The following FPGT variants were observed in gnomAD, a reference collection of about 807,000 sequenced individuals.
FPGT encodes the protein GDP-L-fucose diphosphorylase.
In FPGT, 41 loss-of-function variants were observed where a neutral mutation model predicts 45.8. The ratio of observed to expected loss-of-function variants is 0.90; its 90% CI spans 0.70 to 1.16. The LOEUF (loss-of-function observed/expected upper bound fraction) is 1.16. Among genes scored for constraint, FPGT ranks in the 50% most tolerant of loss-of-function variants. The pLI is 0.00. For synonymous variants in FPGT, 292 were observed against 247.2 expected (o/e 1.18, Z -1.70); for missense variants, 755 against 689.1 (o/e 1.10, Z -1.07).
Position 74,208,322 on chromosome 1 carries a change from T to G in FPGT, c.*2490T>G, listed in dbSNP as rs538722098. Reference sequence around the variant, plus strand: ...GGAGAAGTGTGTTTTTGATAAGAAGTGACTAAATTTTGTGACAATCTTAAT... The same window carrying G: ...GGAGAAGTGTGTTTTTGATAAGAAGGGACTAAATTTTGTGACAATCTTAAT... On this transcript the variant is annotated 3_prime_UTR_variant, in exon 4 of 4. Transcript: ENST00000370898. Among the ~76,000 whole-genome samples, 7 of 152,174 alleles carry G rather than the reference T, an allele frequency of 4.6e-5. No individual in the cohort carries two copies. The highest frequency in any genetic ancestry group is 1.7e-4 in the African/African-American group (7 of 41,534).
Position 74,198,307 on chromosome 1 carries a change from T to G in FPGT, c.29T>G (p.Val10Gly), listed in dbSNP as rs1043601904. ...GCAGCTGCTAGGGACCCTCCGGAAG[T>G]ATCGCTGCGAGAAGCCACCCAGCGA... MAAARDPPE[V>G]SLREATQRKL... The change falls in exon 1 of 4, where the codon GTA becomes GGA. Residue 10 changes from valine (V) to glycine (G), a missense_variant. Physicochemically the swap from Val to Gly is moderately radical, Grantham distance 109 (BLOSUM62 -3). Transcript: ENST00000370898. The G allele has an allele frequency of 6.2e-7, 1 of 1,614,106 alleles. No homozygotes were observed. The highest frequency in any genetic ancestry group is 8.5e-7 in the Non-Finnish European group (1 of 1,180,012).
Position 74,208,375 on chromosome 1 carries a change from A to G in FPGT, c.*2543A>G, listed in dbSNP as rs569107706. ...TTTAGGCTTTTCATTTAGTCTTCCA[A>G]TAAAGATAATTTTTTTCTGAGTTTT... On this transcript the variant is annotated 3_prime_UTR_variant, in exon 4 of 4. Coordinates refer to ENST00000370898, the MANE Select transcript of FPGT (RefSeq NM_003838.5). Among the ~76,000 whole-genome samples the G allele has an allele frequency of 5.7e-4, 87 of 152,168 alleles. No homozygotes were observed. The highest frequency in any genetic ancestry group is 2.0e-3 in the African/African-American group (85 of 41,522).
In FPGT at chr1:74,206,468, A is replaced by T. The variant is rs1166292494; in HGVS notation, c.*636A>T. The T allele has an allele frequency of 6.6e-6, 1 of 152,152 alleles. No homozygotes were observed. Among genetic ancestry groups the T allele is most frequent in the Non-Finnish European group, 1.5e-5 (1 of 67,962 alleles). 9.4% of individuals were successfully genotyped at this position (152,152 alleles called of 1,614,324 possible). A position where few individuals can be genotyped will look rare whatever the true frequency, so the allele number is the denominator to read the frequency against. ...TATACACTTGAACATGTGTTTGTATATCTTTAAAATTTTCCTTTATGTTCC... is the reference window on the plus strand; with the variant it reads ...TATACACTTGAACATGTGTTTGTATTTCTTTAAAATTTTCCTTTATGTTCC... On this transcript the variant is annotated 3_prime_UTR_variant, in exon 4 of 4. Coordinates refer to ENST00000370898, the MANE Select transcript of FPGT (RefSeq NM_003838.5).
intron 3 of FPGT, 97 bp from the exon 4 acceptor site, chr1:74,204,292 ATT>A (rs1401378429): frequency 1.2e-5 from 8 of 686,144 alleles, no homozygotes; most frequent in Non-Finnish European, 1.6e-5. Context: ...CGTTAAATAT[ATT>A]TTGATTTGTA....
chr1:74,203,392 T>TG, intron 3 of FPGT, among the ~76,000 whole-genome samples: 1 of 110,990 alleles, frequency 9.0e-6, no homozygotes, highest in East Asian at 4.7e-4. Context: ...GTGAAGTAGA[T>TG]TTTTTTTTTT....
rs766611619 is a variant in FPGT, at chr1:74,198,286, C to T, written c.8C>T (p.Ala3Val). The T allele has an allele frequency of 1.2e-6, 2 of 1,614,052 alleles. No homozygotes were observed. The highest frequency in any genetic ancestry group is 1.7e-5 in the Admixed American group (1 of 60,024). Residue 3 changes from alanine to valine, a missense_variant, in exon 1 of 4, where the codon GCT becomes GTT. Ala to Val is a moderately conservative substitution (Grantham distance 64). Transcript: ENST00000370898. MAAARDPPEVSLR... is the reference protein window; with the variant it reads MAVARDPPEVSLR... ...CTCAGGGAAGGTGGGGCTATGGCAG[C>T]TGCTAGGGACCCTCCGGAAGTATCG...
chr1:74,202,493 C>G (rs1350174588), intron 3 of FPGT, among the ~76,000 whole-genome samples: 5 of 151,976 alleles, frequency 3.3e-5, no homozygotes, highest in Non-Finnish European at 7.4e-5. Flanking sequence ...CCAGGAAATG[C>G]ATAGTTAGAT....
intron 1 of FPGT, among the ~76,000 whole-genome samples, chr1:74,198,747 C>G (rs1326904960): frequency 6.6e-6 from 1 of 152,130 alleles, no homozygotes; most frequent in African/African-American, 2.4e-5. Flanking sequence ...CTTTACATTA[C>G]GTTCATCTAC....
rs1651592708 is a variant in FPGT, at chr1:74,199,725, A to G, written c.144A>G (p.Lys48=). 6.2e-7 allele frequency: 1 copy of G among 1,614,178 alleles called. No homozygotes were observed. The highest frequency in any genetic ancestry group is 1.3e-5 in the African/African-American group (1 of 75,056). ...DIVAITAADE[K]QELAYNQQLS... ...TTGCAATAACAGCGGCTGATGAAAA[A>G]CAGGAACTTGCTTACAACCAACAGC... The change falls in exon 2 of 4, where the codon AAA becomes AAG. Residue 48 remains lysine, a synonymous_variant. Transcript: ENST00000370898.
intron 1 of FPGT, among the ~76,000 whole-genome samples, chr1:74,198,725 A>G (rs1255852198): frequency 5.3e-5 from 8 of 152,158 alleles, no homozygotes; most frequent in African/African-American, 9.7e-5. Flanking sequence ...CCAGCCCCCT[A>G]TCTACTTCAC....
In FPGT at chr1:74,205,926, A is replaced by C. The variant is rs1316111714; in HGVS notation, c.*94A>C. On this transcript the variant is annotated 3_prime_UTR_variant, in exon 4 of 4. Coordinates refer to ENST00000370898, the MANE Select transcript of FPGT (RefSeq NM_003838.5). ...TGTTTCACTGAACTCAGTTAATGAA[A>C]ACTGTATTAACATAATTGTTGTAGC... The C allele has an allele frequency of 3.0e-6, 2 of 677,718 alleles. No individual in the cohort carries two copies. Among genetic ancestry groups the C allele is most frequent in the East Asian group, 5.0e-5 (2 of 39,638 alleles). The allele number at this position is 677,718 out of a possible 1,614,324, so 42.0% of individuals were successfully genotyped here.
intron 3 of FPGT, 100 bp from the exon 4 acceptor site, chr1:74,204,291 T>C (rs1017628181): frequency 5.9e-6 from 4 of 674,184 alleles, no homozygotes; most frequent in Admixed American, 5.5e-5. Flanking sequence ...TCGTTAAATA[T>C]ATTTTGATTT....
Position 74,200,404 on chromosome 1 carries a change from T to G in FPGT, c.250+573T>G, listed in dbSNP as rs1042978497. Among the ~76,000 whole-genome samples, 7 of 152,266 alleles carry G rather than the reference T, an allele frequency of 4.6e-5. No homozygotes were observed. In the East Asian group the frequency reaches 1.4e-3, roughly 29 times the overall value. The stretch of plus-strand genomic sequence containing the variant: ...GCCCCCTGATACCAGAGATAAGATA[T>G]CTGTATATGACATTAATATGACATT... On this transcript the variant is annotated intron_variant, in intron 2 of 3. Coordinates refer to ENST00000370898, the MANE Select transcript of FPGT (RefSeq NM_003838.5).
At chr1:74,200,174 A>T (rs1651657739) in intron 2 of FPGT, among the ~76,000 whole-genome samples, 1 of 152,236 alleles carries the variant, frequency 6.6e-6, no homozygotes, top group African/African-American at 2.4e-5. Flanking sequence ...AATTTACATG[A>T]AGAAAGCAAT....
chr1:74,198,350 C>T lies in FPGT; in HGVS notation c.72C>T (p.Ser24=), dbSNP rs1386646746. The change falls in exon 1 of 4, where the codon TCC becomes TCT. Residue 24 remains serine (S), a synonymous_variant. Transcript: ENST00000370898. The part of the protein sequence containing the change: ...EATQRKLRRF[S]ELRGKLVARG... ...CCCAGCGAAAATTGCGGAGGTTTTC[C>T]GAGCTAAGAGGTACCAGAGAAGGCA... 2 of 1,613,978 alleles carry T rather than the reference C, an allele frequency of 1.2e-6. No homozygotes were observed. The highest frequency in any genetic ancestry group is 1.3e-5 in the African/African-American group (1 of 74,884).
At chr1:74,198,661 TTAAA>T (rs1651456613) in intron 1 of FPGT, among the ~76,000 whole-genome samples, 1 of 152,186 alleles carries the variant, frequency 6.6e-6, no homozygotes, top group Non-Finnish European at 1.5e-5. Context: ...AAAAGTTGCT[TTAAA>T]TAAATCTAAA....
At chr1:74,199,589 T>G in intron 1 of FPGT, 75 bp from the exon 2 acceptor site, 1 of 1,502,572 alleles carries the variant, frequency 6.7e-7, no homozygotes. Flanking sequence ...TTATCATCTT[T>G]CTCAATAGGC....
chr1:74,205,719 A>C lies in FPGT; in HGVS notation c.1672A>C (p.Ser558Arg). 11 of 1,609,338 alleles carry C rather than the reference A, an allele frequency of 6.8e-6. No individual in the cohort carries two copies. Among genetic ancestry groups the C allele is most frequent in the Non-Finnish European group, 7.7e-6 (9 of 1,175,666 alleles). ...GAACAAGTCAGCATTCAGCCTGAAT[A>C]GCTATAAGTTGCTGTCCATTGAAGA... Reference protein sequence around the residue: ...VKNKSAFSLNSYKLLSIEEML... With the variant: ...VKNKSAFSLNRYKLLSIEEML... The change falls in exon 4 of 4, where the codon AGC (serine) becomes CGC (arginine). Residue 558 changes from serine (S) to arginine (R), a missense_variant. Coordinates refer to ENST00000370898, the MANE Select transcript of FPGT (RefSeq NM_003838.5).
At position 74,205,421 on chromosome 1, in the gene FPGT, A is replaced by G; in HGVS notation, c.1374A>G (p.Leu458=). ...PAHSFVCSLS[L]KMNRCLKYAT... ...ATTCTTTTGTATGTTCCTTAAGCTT[A>G]AAGATGAATAGATGCTTAAAGTATG... Residue 458 remains leucine, a synonymous_variant, in exon 4 of 4, where the codon TTA becomes TTG. Transcript: ENST00000370898. The G allele has an allele frequency of 1.5e-5, 25 of 1,613,868 alleles. No individual in the cohort carries two copies. The highest frequency in any genetic ancestry group is 2.1e-5 in the Non-Finnish European group (25 of 1,179,720).
Sources: gnomAD v4.1 joint callset for allele counts (sites outside exome capture counted in the v4.1 genomes callset) on GRCh38, gnomAD v4.1.1 for gene constraint, MANE v1.5 for transcripts, NCBI Gene and HGNC (gene_info 2026-07-23, HGNC 2026-07-21) for gene names.